KDM4C: variants seen among roughly 807,000 people sequenced by gnomAD.
KDM4C encodes lysine demethylase 4C.
A neutral mutation model predicts 129.3 loss-of-function variants in KDM4C; 81 were observed. The observed-to-expected ratio is 0.63, with a 90% CI of 0.52 to 0.75. The LOEUF (loss-of-function observed/expected upper bound fraction) is 0.75, where lower values mean the gene tolerates loss of function less well. Among genes scored for constraint, KDM4C ranks in the 30% least tolerant of loss-of-function variants. KDM4C has a pLI of 0.00. For synonymous variants in KDM4C, 573 were observed against 456.1 expected (o/e 1.26, Z -3.26); for missense variants, 1,457 against 1,304.0 (o/e 1.12, Z -1.81).
intron 5 of KDM4C, among the ~76,000 whole-genome samples, chr9:6,855,407 C>T (rs868463732): frequency 2.3e-5 from 3 of 130,104 alleles, no homozygotes; most frequent in Non-Finnish European, 3.1e-5. Context: ...TGTGGTGAGC[C>T]GAGATTGCGT....
intron 15 of KDM4C, among the ~76,000 whole-genome samples, chr9:7,029,369 T>C (rs1049208930): frequency 3.3e-5 from 5 of 151,516 alleles, no homozygotes; most frequent in Admixed American, 2.6e-4. Context: ...AACACTACTT[T>C]AGGGATATAC....
intron 1 of KDM4C, among the ~76,000 whole-genome samples, chr9:6,735,468 G>C (rs55880960): frequency 0.015 from 2,246 of 152,232 alleles, 64 homozygotes; most frequent in African/African-American, 0.051. Context: ...ACATATCATG[G>C]GAGGAACCTG....
chr9:6,843,830 C>G (rs544148843), intron 4 of KDM4C, among the ~76,000 whole-genome samples: 24 of 152,068 alleles, frequency 1.6e-4, no homozygotes, highest in Non-Finnish European at 2.8e-4. Context: ...CTAAAAAAAT[C>G]TTTTTTGTAA....
chr9:6,949,401 T>C (rs1039579290), intron 8 of KDM4C, among the ~76,000 whole-genome samples: 15 of 151,288 alleles, frequency 9.9e-5, no homozygotes, highest in East Asian at 2.0e-4. Context: ...AGACGATGAG[T>C]GGCCAGGCAG....
At chr9:7,135,363 C>T (rs1380652628) in intron 19 of KDM4C, among the ~76,000 whole-genome samples, 3 of 152,204 alleles carry the variant, frequency 2.0e-5, no homozygotes, top group African/African-American at 7.2e-5. Context: ...AGGTTCCTGG[C>T]ACTTCCTTCC....
intron 1 of KDM4C, among the ~76,000 whole-genome samples, chr9:6,751,491 G>A (rs991061288): frequency 5.3e-5 from 8 of 152,012 alleles, no homozygotes; most frequent in Non-Finnish European, 7.4e-5. Context: ...CAGCAGGTGG[G>A]GATATAGCTG....
At chr9:7,128,273 A>G in intron 19 of KDM4C, 37 bp downstream of exon 19, 1 of 1,446,440 alleles carries the variant, frequency 6.9e-7, no homozygotes, top group Non-Finnish European at 9.1e-7. Flanking sequence ...TACCCAGAGT[A>G]ATTTAAAAAA....
chr9:6,972,604 G>T (rs1333086029), intron 8 of KDM4C, among the ~76,000 whole-genome samples: 1 of 152,126 alleles, frequency 6.6e-6, no homozygotes, highest in Non-Finnish European at 1.5e-5. Flanking sequence ...GGTATGTGTT[G>T]CCAAATTGTT....
chr9:6,986,678 T>C lies in KDM4C; in HGVS notation c.1677+12T>C. ...TCAAAGTCCCCAGTGTATGTGGCAA[T>C]ATCCATTTTTTACCATATTCATTAT... On this transcript the variant is annotated intron_variant, in intron 11 of 21. Transcript: ENST00000381309. 1 of 1,569,404 alleles carries C rather than the reference T, an allele frequency of 6.4e-7. No homozygotes were observed. Among genetic ancestry groups the C allele is most frequent in the South Asian group, 1.2e-5 (1 of 85,464 alleles).
intron 19 of KDM4C, among the ~76,000 whole-genome samples, chr9:7,155,782 A>C (rs1275849506): frequency 2.0e-5 from 3 of 152,160 alleles, no homozygotes; most frequent in Non-Finnish European, 4.4e-5. Flanking sequence ...TGTTGGTTCC[A>C]AGTCTTTGCT....
intron 17 of KDM4C, among the ~76,000 whole-genome samples, chr9:7,078,220 G>C (rs1336696619): frequency 6.6e-6 from 1 of 152,092 alleles, no homozygotes; most frequent in Non-Finnish European, 1.5e-5. Context: ...GTAATTTGCA[G>C]CTTTTCTGTA....
chr9:6,729,750 A>C (rs777100741), intron 1 of KDM4C, among the ~76,000 whole-genome samples: 1 of 134,434 alleles, frequency 7.4e-6, no homozygotes, highest in African/African-American at 3.2e-5. Context: ...ATTTCCAGCC[A>C]GATGTGCATA....
chr9:7,122,239 C>CCACACACA (rs147638679), intron 18 of KDM4C, among the ~76,000 whole-genome samples: 1,927 of 144,296 alleles, frequency 0.013, 33 homozygotes, highest in East Asian at 0.048. Context: ...GTGGGAGATG[C>CCACACACA]CACACACACA....
intron 18 of KDM4C, among the ~76,000 whole-genome samples, chr9:7,125,063 G>T (rs1839894516): frequency 6.6e-6 from 1 of 152,084 alleles, no homozygotes; most frequent in Admixed American, 6.6e-5. Flanking sequence ...TGGCTTCCTA[G>T]GTTCACAGAA....
At chr9:6,899,146 T>C (rs1816934859) in intron 8 of KDM4C, among the ~76,000 whole-genome samples, 1 of 152,040 alleles carries the variant, frequency 6.6e-6, no homozygotes, top group Non-Finnish European at 1.5e-5. Context: ...GTAGTTTTGC[T>C]GCGCTCTTTT....
intron 17 of KDM4C, among the ~76,000 whole-genome samples, chr9:7,072,138 G>C (rs1833282177): frequency 6.6e-6 from 1 of 152,188 alleles, no homozygotes; most frequent in Non-Finnish European, 1.5e-5. Flanking sequence ...TCAGTGTTAA[G>C]ATAACTGACA....
intron 12 of KDM4C, among the ~76,000 whole-genome samples, chr9:7,010,525 T>C (rs1822494811): frequency 6.6e-6 from 1 of 152,216 alleles, no homozygotes; most frequent in Non-Finnish European, 1.5e-5. Flanking sequence ...GTTAAGCACA[T>C]TGCTCTACAG....
At chr9:7,054,684 C>T (rs1300638836) in intron 17 of KDM4C, among the ~76,000 whole-genome samples, 1 of 152,118 alleles carries the variant, frequency 6.6e-6, no homozygotes, top group African/African-American at 2.4e-5. Flanking sequence ...CTGGTAGTTG[C>T]TGTATGTTTA....
At chr9:6,771,012 G>A (rs1821710106) in intron 1 of KDM4C, among the ~76,000 whole-genome samples, 1 of 146,574 alleles carries the variant, frequency 6.8e-6, no homozygotes, top group Non-Finnish European at 1.5e-5. Context: ...CTGACCTCGT[G>A]ATCCACCCGC....
Sources: allele counts gnomAD v4.1 joint callset (sites outside exome capture counted in the v4.1 genomes callset), GRCh38; gene constraint gnomAD v4.1.1; transcripts MANE v1.5; gene names NCBI Gene and HGNC (gene_info 2026-07-23, HGNC 2026-07-21).